The following RASGEF1A variants were observed in gnomAD, a reference collection of about 807,000 sequenced individuals.
RASGEF1A encodes the protein ras-GEF domain-containing family member 1A.
A neutral mutation model predicts 56.4 loss-of-function variants in RASGEF1A; 18 were observed. The ratio of observed to expected loss-of-function variants is 0.32; its 90% CI spans 0.22 to 0.47. The LOEUF (loss-of-function observed/expected upper bound fraction) is 0.47. Ranked by LOEUF, RASGEF1A falls within the 20% of genes least tolerant of loss-of-function variation. The pLI is 1.00. For synonymous variants in RASGEF1A, 245 were observed against 242.6 expected (o/e 1.01, Z -0.09); for missense variants, 422 against 627.1 (o/e 0.67, Z 3.49).
chr10:43,239,466 TC>T (rs1840476905), intron 1 of RASGEF1A, among the ~76,000 whole-genome samples: 1 of 152,178 alleles, frequency 6.6e-6, no homozygotes, highest in Non-Finnish European at 1.5e-5. Flanking sequence ...AAGGTCAGAA[TC>T]CACATTTTTA....
rs752681979 is a variant in RASGEF1A at position 43,201,878 on chromosome 10, T to C, written c.389A>G (p.Tyr130Cys). Residue 130 changes from tyrosine (Y) to cysteine (C), a missense_variant, in exon 4 of 13, where the codon TAT becomes TGT. Tyr to Cys is a radical substitution (Grantham distance 194). Coordinates refer to ENST00000395810, the MANE Select transcript of RASGEF1A (RefSeq NM_145313.4). ...LLKEWTEAFP[Y>C]DFQDEKAMAE... ...CATGGCCTTCTCATCCTGGAAGTCATAGGGGAAGGCCTCGGTCCACTCCTT... is the reference window on the plus strand; with the variant it reads ...CATGGCCTTCTCATCCTGGAAGTCACAGGGGAAGGCCTCGGTCCACTCCTT... The C allele has an allele frequency of 6.8e-6, 11 of 1,612,182 alleles. No homozygotes were observed. Among genetic ancestry groups the C allele is most frequent in the East Asian group, 6.7e-5 (3 of 44,874 alleles).
chr10:43,249,902 A>C (rs1485939361), intron 1 of RASGEF1A, among the ~76,000 whole-genome samples: 2 of 152,232 alleles, frequency 1.3e-5, no homozygotes, highest in Non-Finnish European at 2.9e-5. Context: ...GTGCTCCTGC[A>C]GGGACTTTCA....
At chr10:43,205,429 T>C (rs1839978640) in intron 2 of RASGEF1A, among the ~76,000 whole-genome samples, 1 of 152,120 alleles carries the variant, frequency 6.6e-6, no homozygotes, top group African/African-American at 2.4e-5. Context: ...TGAACAGTGC[T>C]CTGCTGACAG....
intron 1 of RASGEF1A, among the ~76,000 whole-genome samples, chr10:43,227,792 C>T (rs538253435): frequency 6.9e-4 from 105 of 152,242 alleles, no homozygotes; most frequent in African/African-American, 2.4e-3. Context: ...TGCCTGCCAT[C>T]TTGCCCACCT....
At chr10:43,251,853 T>C (rs1400402980) in intron 1 of RASGEF1A, among the ~76,000 whole-genome samples, 2 of 152,098 alleles carry the variant, frequency 1.3e-5, no homozygotes, top group Non-Finnish European at 2.9e-5. Context: ...CCCCTGACCC[T>C]CACAAGTACC....
chr10:43,214,481 G>A (rs1337445056), intron 1 of RASGEF1A, among the ~76,000 whole-genome samples: 3 of 152,182 alleles, frequency 2.0e-5, no homozygotes, highest in African/African-American at 7.2e-5. Context: ...GAGCACAACT[G>A]TCCAGCTCCC....
rs552032046 is a variant in RASGEF1A at position 43,230,149 on chromosome 10, C to G, written c.-6-24027G>C. 1.4e-4 allele frequency among the ~76,000 whole-genome samples: 22 copies of G among 152,316 alleles called. No homozygotes were observed. In the South Asian group the frequency reaches 3.9e-3, roughly 27 times the overall value. On this transcript the variant is annotated intron_variant, in intron 1 of 12. Transcript: ENST00000395810. Reference sequence around the variant, plus strand: ...TTACCCGGCCCCGGCCTCACCTGATCGTAGACGTCCACTACGGAACTACAG... The same window carrying G: ...TTACCCGGCCCCGGCCTCACCTGATGGTAGACGTCCACTACGGAACTACAG...
intron 2 of RASGEF1A, 160 bp from the exon 3 acceptor site, chr10:43,203,580 C>G (rs911791786): frequency 2.7e-5 from 35 of 1,294,534 alleles, no homozygotes; most frequent in Non-Finnish European, 3.5e-5. Flanking sequence ...GCAGGCCCTT[C>G]CTCCTCTTAC....
At position 43,203,675 on chromosome 10, in the gene RASGEF1A, C is replaced by A. The variant is rs1383154941; in HGVS notation, c.199-255G>T. On this transcript the variant is annotated intron_variant, in intron 2 of 12. Transcript: ENST00000395810. ...TCCCAGGCCTCCTAGCAGTCTTCCT[C>A]CGCTGGGATTCTCCCCCTCTCTGCC... 9.9e-6 allele frequency: 12 copies of A among 1,214,666 alleles called. No homozygotes were observed. The South Asian group carries it at 2.1e-4, about 21-fold the overall frequency. 75.2% of individuals were successfully genotyped at this position (1,214,666 alleles called of 1,614,324 possible).
chr10:43,237,825 C>T (rs975114304), intron 1 of RASGEF1A, among the ~76,000 whole-genome samples: 6 of 152,196 alleles, frequency 3.9e-5, no homozygotes, highest in African/African-American at 7.2e-5. Context: ...AGCACATAGA[C>T]CACAGAGCTT....
chr10:43,252,415 G>A (rs1176255507), intron 1 of RASGEF1A, among the ~76,000 whole-genome samples: 1 of 152,054 alleles, frequency 6.6e-6, no homozygotes, highest in African/African-American at 2.4e-5. Context: ...TGGAAGGCAG[G>A]GAGGAAGGGG....
chr10:43,225,267 GTCTCTGT>G (rs1320112353), intron 1 of RASGEF1A, among the ~76,000 whole-genome samples: 3 of 105,494 alleles, frequency 2.8e-5, no homozygotes, highest in Non-Finnish European at 5.8e-5. Context: ...TGGGGGGGGG[GTCTCTGT>G]GTCTGTGTGT....
chr10:43,199,374 G>T (rs1337454519), intron 7 of RASGEF1A, among the ~76,000 whole-genome samples, 180 bp from the exon 8 acceptor site: 1 of 152,168 alleles, frequency 6.6e-6, no homozygotes, highest in Non-Finnish European at 1.5e-5. Context: ...CTATGCTCAG[G>T]CTCCTCAGTC....
intron 1 of RASGEF1A, among the ~76,000 whole-genome samples, chr10:43,220,033 C>G (rs114563345): frequency 1.7e-3 from 254 of 152,276 alleles, no homozygotes; most frequent in Middle Eastern, 6.8e-3. Flanking sequence ...AAACAGCACC[C>G]AGACACACGT....
chr10:43,204,487 G>T (rs934773870), intron 2 of RASGEF1A, among the ~76,000 whole-genome samples: 1 of 152,160 alleles, frequency 6.6e-6, no homozygotes, highest in Admixed American at 6.5e-5. Flanking sequence ...CATCTCTCAG[G>T]GTCCCCCTTC....
At chr10:43,231,198 T>C (rs563766971) in intron 1 of RASGEF1A, among the ~76,000 whole-genome samples, 2 of 152,358 alleles carry the variant, frequency 1.3e-5, no homozygotes, top group South Asian at 2.1e-4. Flanking sequence ...GCGAAGCTCA[T>C]GGTGACCTTG....
intron 1 of RASGEF1A, among the ~76,000 whole-genome samples, chr10:43,206,517 G>A (rs1406805369): frequency 2.0e-5 from 3 of 152,212 alleles, no homozygotes; most frequent in East Asian, 1.9e-4. Flanking sequence ...GATAAGAAAG[G>A]AACACCCTAG....
intron 4 of RASGEF1A, among the ~76,000 whole-genome samples, chr10:43,201,364 G>A (rs1839895573): frequency 2.0e-5 from 3 of 152,184 alleles, no homozygotes; most frequent in Admixed American, 2.0e-4. Flanking sequence ...CCACTGTGGA[G>A]GCCCAGTTGG....
At chr10:43,253,060 A>G (rs1386850180) in intron 1 of RASGEF1A, among the ~76,000 whole-genome samples, 2 of 152,178 alleles carry the variant, frequency 1.3e-5, no homozygotes, top group East Asian at 3.9e-4. Flanking sequence ...GCCCCAGACA[A>G]AGGGGCTGTG....
Sources: allele counts gnomAD v4.1 joint callset (sites outside exome capture counted in the v4.1 genomes callset), GRCh38; gene constraint gnomAD v4.1.1; transcripts MANE v1.5; gene names NCBI Gene and HGNC (gene_info 2026-07-23, HGNC 2026-07-21).